The following RIMS2 variants were observed in gnomAD, a reference collection of about 807,000 sequenced individuals.
RIMS2 encodes regulating synaptic membrane exocytosis 2.
In RIMS2, 59 loss-of-function variants were observed where a neutral mutation model predicts 174.4. That is an observed-to-expected ratio of 0.34 (90% CI 0.27 to 0.42). The LOEUF (loss-of-function observed/expected upper bound fraction) is 0.42. Among genes scored for constraint, RIMS2 ranks in the 10% least tolerant of loss-of-function variants. RIMS2 has a pLI of 1.00. For missense variants in RIMS2, 1,620 were observed against 1,666.3 expected (o/e 0.97, Z 0.48); for synonymous variants, 606 against 572.5 (o/e 1.06, Z -0.84).
chr8:103,880,705 T>C, intron 3 of RIMS2: 2 of 518,160 alleles, frequency 3.9e-6, no homozygotes, highest in Non-Finnish European at 3.5e-6. Flanking sequence ...ATAATGAAAA[T>C]ATATTAAATC....
intron 1 of RIMS2, among the ~76,000 whole-genome samples, chr8:103,558,874 G>A (rs979110876): frequency 1.3e-5 from 2 of 151,798 alleles, no homozygotes; most frequent in African/African-American, 2.4e-5. Context: ...AAACAAGCAG[G>A]GCCTTTAGTT....
chr8:103,739,983 A>T (rs1163093710), intron 2 of RIMS2, among the ~76,000 whole-genome samples: 1 of 152,206 alleles, frequency 6.6e-6, no homozygotes, highest in South Asian at 2.1e-4. Context: ...TGGTGGAAAT[A>T]GATTAAGATG....
chr8:103,979,283 C>A (rs1233346405), intron 16 of RIMS2, among the ~76,000 whole-genome samples: 2 of 152,072 alleles, frequency 1.3e-5, no homozygotes, highest in Admixed American at 1.3e-4. Context: ...TATTACCTCA[C>A]AACTGTTAGA....
chr8:103,516,598 C>G (rs1829093562), intron 1 of RIMS2, among the ~76,000 whole-genome samples: 1 of 151,974 alleles, frequency 6.6e-6, no homozygotes, highest in Admixed American at 6.6e-5. Flanking sequence ...AAAAGATTGA[C>G]AAAATAATTT....
intron 2 of RIMS2, among the ~76,000 whole-genome samples, chr8:103,733,265 G>A (rs1257131772): frequency 1.3e-5 from 2 of 152,064 alleles, no homozygotes; most frequent in Non-Finnish European, 2.9e-5. Flanking sequence ...AGTCTGCCTG[G>A]TACCCTGTTC....
chr8:103,838,225 C>T (rs2098916250), intron 3 of RIMS2, among the ~76,000 whole-genome samples: 1 of 152,144 alleles, frequency 6.6e-6, no homozygotes, highest in South Asian at 2.1e-4. Context: ...AGATTACAGG[C>T]ATGAGCCACT....
intron 17 of RIMS2, among the ~76,000 whole-genome samples, chr8:104,008,129 T>A (rs1253765157): frequency 6.6e-6 from 1 of 152,150 alleles, no homozygotes; most frequent in African/African-American, 2.4e-5. Context: ...TTAAAAATGT[T>A]TGCTATTTTA....
intron 6 of RIMS2, among the ~76,000 whole-genome samples, chr8:103,914,034 A>T (rs2076224911): frequency 6.6e-6 from 1 of 152,184 alleles, no homozygotes; most frequent in Non-Finnish European, 1.5e-5. Flanking sequence ...CTCACAATAG[A>T]TGAGAAATAG....
intron 19 of RIMS2, among the ~76,000 whole-genome samples, chr8:104,133,752 A>G (rs1403810585): frequency 6.6e-6 from 1 of 152,164 alleles, no homozygotes; most frequent in Non-Finnish European, 1.5e-5. Context: ...AGAATCTGTA[A>G]GACTTAGTGA....
At chr8:103,853,829 T>A (rs1410747254) in intron 3 of RIMS2, among the ~76,000 whole-genome samples, 1 of 152,192 alleles carries the variant, frequency 6.6e-6, no homozygotes, top group African/African-American at 2.4e-5. Flanking sequence ...TGCCTCCAGC[T>A]TTGTTCTTTT....
chr8:104,022,926 CTG>C lies in RIMS2; in HGVS notation c.3334+8313_3334+8314del, dbSNP rs566895659. ...TGAATAAATTTGTAAGATGAGAACT[CTG>C]TACATATTTCACATACGCTAACTTG... On this transcript the variant is annotated intron_variant, in intron 19 of 23. Transcript: ENST00000504942. 1.4e-3 allele frequency among the ~76,000 whole-genome samples: 220 copies of C among 152,242 alleles called. 1 individual carries two copies. The highest frequency in any genetic ancestry group is 4.7e-3 in the African/African-American group (197 of 41,558).
chr8:103,502,717 A>G (rs1045657316), intron 1 of RIMS2, among the ~76,000 whole-genome samples: 3 of 152,088 alleles, frequency 2.0e-5, no homozygotes, highest in Non-Finnish European at 4.4e-5. Flanking sequence ...AATGCCTTTT[A>G]CTATAATTGA....
exon 4 of RIMS2, chr8:103,885,891 A>G (rs745844244): frequency 9.9e-6 from 16 of 1,612,998 alleles, no homozygotes; most frequent in East Asian, 6.7e-5. Context: ...ACCACAAACC[A>G]TAGTCCTCCT....
chr8:104,128,245 A>G (rs2132736573), intron 19 of RIMS2, among the ~76,000 whole-genome samples: 2 of 152,318 alleles, frequency 1.3e-5, no homozygotes, highest in Middle Eastern at 6.8e-3. Context: ...AAGAATGAGT[A>G]TGTCCAGTTT....
intron 19 of RIMS2, among the ~76,000 whole-genome samples, chr8:104,137,564 G>T (rs2098531544): frequency 6.6e-6 from 1 of 152,088 alleles, no homozygotes; most frequent in African/African-American, 2.4e-5. Flanking sequence ...TTACAATCAT[G>T]TATATAATAA....
chr8:103,992,416 G>A (rs140587393), intron 17 of RIMS2, among the ~76,000 whole-genome samples: 362 of 151,334 alleles, frequency 2.4e-3, no homozygotes, highest in Non-Finnish European at 3.6e-3. Flanking sequence ...ATGAGCCACC[G>A]CGCCTGGCCC....
At chr8:103,961,201 G>T in intron 15 of RIMS2, 68 bp downstream of exon 17, 1 of 800,204 alleles carries the variant, frequency 1.2e-6, no homozygotes. Context: ...TACCATAAAA[G>T]TAAATAAATA....
rs563274278 is a variant in RIMS2, at chr8:103,800,153, TG to T, written c.698+33619del. ...TGTTTATAATGCACTTATATATAAT[TG>T]GGCCACTTTTTAGCTCTCTGTTCTG... On this transcript the variant is annotated intron_variant, in intron 3 of 23. Transcript: ENST00000504942. 6.1e-4 allele frequency among the ~76,000 whole-genome samples: 93 copies of T among 152,302 alleles called. 1 individual carries two copies. Among genetic ancestry groups the T allele is most frequent in the African/African-American group, 1.9e-3 (81 of 41,564 alleles).
At chr8:103,575,093 C>A (rs746752726) in intron 1 of RIMS2, among the ~76,000 whole-genome samples, 3 of 152,076 alleles carry the variant, frequency 2.0e-5, no homozygotes, top group Non-Finnish European at 4.4e-5. Context: ...TCACACAAAT[C>A]AGTAAAAGAA....
Sources: allele counts gnomAD v4.1 joint callset (sites outside exome capture counted in the v4.1 genomes callset), GRCh38; gene constraint gnomAD v4.1.1; transcripts MANE v1.5; gene names NCBI Gene and HGNC (gene_info 2026-07-23, HGNC 2026-07-21).